PNPLA1: variants seen among roughly 807,000 people sequenced by gnomAD.
The protein encoded by PNPLA1 is patatin like domain 1, omega-hydroxyceramide transacylase.
A neutral mutation model predicts 51.7 loss-of-function variants in PNPLA1; 36 were observed. The observed-to-expected ratio is 0.70, with a 90% CI of 0.53 to 0.92. The LOEUF is 0.92. PNPLA1 is among the 40% of genes least tolerant of loss of function. The pLI is 0.00. For synonymous variants in PNPLA1, 293 were observed against 280.1 expected (o/e 1.05, Z -0.46); for missense variants, 658 against 682.5 (o/e 0.96, Z 0.40).
At chr6:36,282,841 C>G (rs145815633) in intron 1 of PNPLA1, among the ~76,000 whole-genome samples, 2 of 152,074 alleles carry the variant, frequency 1.3e-5, no homozygotes, top group African/African-American at 4.8e-5. Context: ...CATCCCACCA[C>G]GTCCAGCTAA....
rs191675395 is a variant in PNPLA1, at chr6:36,313,930, T to C, written c.*2044T>C. On this transcript the variant is annotated 3_prime_UTR_variant, in exon 9 of 9. Transcript: ENST00000636260. The stretch of plus-strand genomic sequence containing the variant: ...AATGTCAATTATGTTAAACTATTAA[T>C]ACATCCTCTTGCATACTTCCCTTCA... Among the ~76,000 whole-genome samples, 192 of 152,370 alleles carry C rather than the reference T, an allele frequency of 1.3e-3. No individual in the cohort carries two copies. Among genetic ancestry groups the C allele is most frequent in the Middle Eastern group, 3.4e-3 (1 of 294 alleles).
chr6:36,289,773 G>A (rs1387566761), intron 1 of PNPLA1, among the ~76,000 whole-genome samples: 1 of 149,258 alleles, frequency 6.7e-6, no homozygotes, highest in Non-Finnish European at 1.5e-5. Flanking sequence ...CTCTGTGTCA[G>A]TTTCTGCGTC....
In PNPLA1 at chr6:36,300,178, T is replaced by TGTGTGTGAGA; in HGVS notation, c.776-1682_776-1681insTGTGTGAGAG. ...TCTTATTCTTGTGTGTGTGTGTGTG[T>TGTGTGTGAGA]GAGAGAGAGAGAGAGAGAGAGAGAG... is the stretch of plus-strand genomic sequence containing the variant. On this transcript the variant is annotated intron_variant, in intron 5 of 8. Transcript: ENST00000636260. 6.8e-3 allele frequency among the ~76,000 whole-genome samples: 668 copies of TGTGTGTGAGA among 98,052 alleles called. 11 individuals are homozygous for TGTGTGTGAGA. Among genetic ancestry groups the TGTGTGTGAGA allele is most frequent in the African/African-American group, 0.019 (572 of 30,076 alleles). 64.3% of individuals were successfully genotyped at this position (98,052 alleles called of 152,430 possible). A position where few individuals can be genotyped will look rare whatever the true frequency, so the allele number is the denominator to read the frequency against.
At chr6:36,305,822 C>T (rs1057036613) in intron 6 of PNPLA1, among the ~76,000 whole-genome samples, 1 of 145,978 alleles carries the variant, frequency 6.9e-6, no homozygotes, top group African/African-American at 2.6e-5. Flanking sequence ...ATCTCACTCC[C>T]GGCTCACTGC....
intron 5 of PNPLA1, among the ~76,000 whole-genome samples, chr6:36,296,152 A>G (rs1770851890): frequency 6.6e-6 from 1 of 152,206 alleles, no homozygotes; most frequent in African/African-American, 2.4e-5. Flanking sequence ...TCTACAAGAA[A>G]TTAAACAATT....
chr6:36,263,503 G>A (rs1769696747), intron 1 of PNPLA1, among the ~76,000 whole-genome samples: 1 of 152,138 alleles, frequency 6.6e-6, no homozygotes, highest in African/African-American at 2.4e-5. Context: ...CCTCAGACTG[G>A]CAAAACGTTT....
At chr6:36,249,914 C>T (rs1769384516) in intron 1 of PNPLA1, among the ~76,000 whole-genome samples, 1 of 152,124 alleles carries the variant, frequency 6.6e-6, no homozygotes, top group African/African-American at 2.4e-5. Context: ...TCCGGATGAA[C>T]AGAAAACGTG....
chr6:36,252,714 C>T lies in PNPLA1; in HGVS notation c.-81+9453C>T, dbSNP rs544951532. ...GGGAAGCCTCGTGGAGAGGACAGGA[C>T]ATGAAGCATGGCTGAGCTTCAGATC... On this transcript the variant is annotated intron_variant, in intron 1 of 7. Transcript: ENST00000312917. Among the ~76,000 whole-genome samples, 8 of 152,254 alleles carry T rather than the reference C, an allele frequency of 5.3e-5. No homozygotes were observed. The South Asian group carries it at 1.7e-3, about 32-fold the overall frequency.
chr6:36,277,318 C>G (rs1180281335), intron 1 of PNPLA1, among the ~76,000 whole-genome samples: 1 of 152,212 alleles, frequency 6.6e-6, no homozygotes, highest in African/African-American at 2.4e-5. Flanking sequence ...TAACACATGT[C>G]CTGTCAGCTA....
intron 1 of PNPLA1, among the ~76,000 whole-genome samples, chr6:36,255,127 G>A (rs1295488725): frequency 6.6e-6 from 1 of 152,200 alleles, no homozygotes; most frequent in African/African-American, 2.4e-5. Context: ...AGCACTTTGG[G>A]AGGCTGAGGC....
chr6:36,243,716 C>G (rs1769194675), intron 1 of PNPLA1, among the ~76,000 whole-genome samples: 1 of 152,116 alleles, frequency 6.6e-6, no homozygotes, highest in African/African-American at 2.4e-5. Context: ...GCATTTGACT[C>G]AAGACACTCA....
chr6:36,275,975 T>TCTTTCCTTCTTTCTTTCTTTC (rs757403775), intron 1 of PNPLA1, among the ~76,000 whole-genome samples: 2 of 150,862 alleles, frequency 1.3e-5, no homozygotes, highest in African/African-American at 4.9e-5. Flanking sequence ...TTTCTTTCTT[T>TCTTTCCTTCTTTCTTTCTTTC]TGAGACAGAG....
At chr6:36,272,902 A>G (rs2127325433) in intron 1 of PNPLA1, among the ~76,000 whole-genome samples, 1 of 152,310 alleles carries the variant, frequency 6.6e-6, no homozygotes, top group East Asian at 1.9e-4. Context: ...CTCACAAGTA[A>G]TAAACACATT....
Position 36,309,546 on chromosome 6 carries a change from C to T in PNPLA1, c.1595+1834C>T, listed in dbSNP as rs553295203. Among the ~76,000 whole-genome samples the T allele has an allele frequency of 1.1e-4, 16 of 152,296 alleles. No homozygotes were observed. The South Asian group carries it at 2.5e-3, about 24-fold the overall frequency. On this transcript the variant is annotated intron_variant, in intron 8 of 8. Transcript: ENST00000636260. The stretch of plus-strand genomic sequence containing the variant: ...CTCTCTTCCCACTGCAGCAGAGAAG[C>T]GGGAACTGTGCAATTCAGCAAGAGC...
chr6:36,295,894 C>CTA (rs1770844478), intron 5 of PNPLA1, among the ~76,000 whole-genome samples: 1 of 152,204 alleles, frequency 6.6e-6, no homozygotes, highest in Non-Finnish European at 1.5e-5. Flanking sequence ...AGCCCTTGCC[C>CTA]TATGTAGGTT....
intron 5 of PNPLA1, among the ~76,000 whole-genome samples, chr6:36,297,764 T>C (rs780947396): frequency 3.2e-4 from 48 of 152,250 alleles, no homozygotes; most frequent in Middle Eastern, 3.4e-3. Context: ...GTCTAAAATA[T>C]CCATCCGGCA....
At chr6:36,295,675 T>C (rs1770838439) in intron 5 of PNPLA1, among the ~76,000 whole-genome samples, 1 of 152,196 alleles carries the variant, frequency 6.6e-6, no homozygotes. Flanking sequence ...TCTAGGACAG[T>C]TGTGCATGTA....
At chr6:36,263,082 T>A (rs1437953282) in intron 1 of PNPLA1, among the ~76,000 whole-genome samples, 3 of 152,202 alleles carry the variant, frequency 2.0e-5, no homozygotes, top group Non-Finnish European at 4.4e-5. Context: ...TCGTTTAAAA[T>A]AACCAAGATT....
At chr6:36,250,798 G>A (rs564677058) in intron 1 of PNPLA1, among the ~76,000 whole-genome samples, 4 of 152,236 alleles carry the variant, frequency 2.6e-5, no homozygotes, top group South Asian at 4.1e-4. Context: ...CTGACTCCCC[G>A]GTTCAAGTGA....
Sources: allele counts gnomAD v4.1 joint callset (sites outside exome capture counted in the v4.1 genomes callset), GRCh38; gene constraint gnomAD v4.1.1; transcripts MANE v1.5; gene names NCBI Gene and HGNC (gene_info 2026-07-23, HGNC 2026-07-21).